The following PRKAR1A variants were observed in gnomAD, a reference collection of about 807,000 sequenced individuals.
The protein encoded by PRKAR1A is protein kinase cAMP-dependent type I regulatory subunit alpha.
Under a neutral mutation model 52.0 loss-of-function variants are expected in PRKAR1A, and 3 were observed. That is an observed-to-expected ratio of 0.06 (90% CI 0.03 to 0.15). PRKAR1A has a LOEUF of 0.15. Among genes scored for constraint, PRKAR1A ranks in the 10% least tolerant of loss-of-function variants. The pLI, the probability that PRKAR1A is intolerant of heterozygous loss-of-function variation, is 1.00. For missense variants in PRKAR1A, 240 were observed against 477.4 expected (o/e 0.50, Z 4.63); for synonymous variants, 188 against 168.4 (o/e 1.12, Z -0.90).
At chr17:68,424,817 C>T in the PRKAR1A span, among the ~76,000 whole-genome samples, 1 of 152,002 alleles carries the variant, frequency 6.6e-6, no homozygotes, top group South Asian at 2.1e-4. Flanking sequence ...GCAGAGGCTG[C>T]AGCGAGCCGA....
intron 11 of PRKAR1A, among the ~76,000 whole-genome samples, chr17:68,548,339 G>T (rs923086406): frequency 9.2e-5 from 14 of 152,154 alleles, no homozygotes; most frequent in Admixed American, 6.5e-5. Flanking sequence ...AGACCAGCCT[G>T]GCCAACACGG....
chr17:68,513,450 C>T (rs1462892293), intron 1 of PRKAR1A, among the ~76,000 whole-genome samples: 2 of 152,158 alleles, frequency 1.3e-5, no homozygotes, highest in African/African-American at 4.8e-5. Context: ...GGAACAGTTT[C>T]TCAAAGTGTT....
At chr17:68,442,877 C>T in the PRKAR1A span, among the ~76,000 whole-genome samples, 1 of 152,304 alleles carries the variant, frequency 6.6e-6, no homozygotes, top group South Asian at 2.1e-4. Context: ...AGATTTTGGG[C>T]TCCTGGTATG....
chr17:68,470,672 CT>C, the PRKAR1A span, among the ~76,000 whole-genome samples: 1 of 152,148 alleles, frequency 6.6e-6, no homozygotes, highest in African/African-American at 2.4e-5. Flanking sequence ...TAATTCGTTG[CT>C]TTTATACAGA....
At chr17:68,541,527 T>C (rs1356109904) in intron 11 of PRKAR1A, 1 of 189,502 alleles carries the variant, frequency 5.3e-6, no homozygotes, top group Non-Finnish European at 1.1e-5. Context: ...TCAGCTAGTG[T>C]GGAGTACCTG....
chr17:68,419,618 T>C, the PRKAR1A span, among the ~76,000 whole-genome samples: 1 of 152,086 alleles, frequency 6.6e-6, no homozygotes, highest in Admixed American at 6.6e-5. Context: ...ATAAAGATAC[T>C]TGAATGAATG....
At chr17:68,478,780 CA>C in the PRKAR1A span, among the ~76,000 whole-genome samples, 2 of 150,632 alleles carry the variant, frequency 1.3e-5, no homozygotes, top group Admixed American at 6.6e-5. Flanking sequence ...CAGGCTAGAG[CA>C]CAGTGGCACG....
intron 11 of PRKAR1A, chr17:68,543,600 A>G (rs1278470546): frequency 6.2e-7 from 1 of 1,601,848 alleles, no homozygotes; most frequent in Non-Finnish European, 8.6e-7. Context: ...CCTTATAGGC[A>G]ATGCCATCTC....
chr17:68,550,860 G>A (rs956458750), intron 11 of PRKAR1A, among the ~76,000 whole-genome samples: 12 of 152,204 alleles, frequency 7.9e-5, no homozygotes, highest in African/African-American at 2.7e-4. Context: ...CTTTAAGGAG[G>A]TGCTTTCGCC....
intron 11 of PRKAR1A, among the ~76,000 whole-genome samples, chr17:68,544,072 G>T (rs1364300030): frequency 6.6e-6 from 1 of 152,120 alleles, no homozygotes. Flanking sequence ...AGAGGGGAAT[G>T]GTTAGCAGAA....
chr17:68,472,934 T>C, the PRKAR1A span, among the ~76,000 whole-genome samples: 4 of 151,926 alleles, frequency 2.6e-5, no homozygotes, highest in Admixed American at 6.6e-5. Context: ...GACAGAGTGA[T>C]ACTCTGTCTC....
chr17:68,418,914 C>T, the PRKAR1A span, among the ~76,000 whole-genome samples: 1 of 150,726 alleles, frequency 6.6e-6, no homozygotes, highest in Non-Finnish European at 1.5e-5. Flanking sequence ...TTTAGGAACT[C>T]TTGTAATTTT....
rs182502429 is a variant in PRKAR1A at position 68,543,815 on chromosome 17, G to A, written c.974-7269G>A. 61 of 1,092,084 alleles carry A rather than the reference G, an allele frequency of 5.6e-5. No individual in the cohort carries two copies. The East Asian group carries it at 1.0e-3, about 19-fold the overall frequency. 67.6% of individuals were successfully genotyped at this position (1,092,084 alleles called of 1,614,324 possible). On this transcript the variant is annotated intron_variant, in intron 11 of 11. Coordinates refer to the PRKAR1A transcript ENST00000585981. ...AGCATGACCAGCGAGAAAGGAAAAC[G>A]GGCTTTTATGCTTTTCATGTACACA... is the stretch of plus-strand genomic sequence containing the variant.
the PRKAR1A span, among the ~76,000 whole-genome samples, chr17:68,488,541 A>G: frequency 6.6e-6 from 1 of 152,068 alleles, no homozygotes; most frequent in Non-Finnish European, 1.5e-5. Flanking sequence ...CAGCCTGACC[A>G]ACATGGCAAA....
chr17:68,426,299 C>T, the PRKAR1A span: 1 of 751,444 alleles, frequency 1.3e-6, no homozygotes, highest in East Asian at 2.7e-5. Context: ...CTGTCTTCCC[C>T]CTGGAGGTAC....
chr17:68,532,692 T>G lies in PRKAR1A; in HGVS notation c.*2243T>G. 1 of 1,066,364 alleles carries G rather than the reference T, an allele frequency of 9.4e-7. No individual in the cohort carries two copies. Among genetic ancestry groups the G allele is most frequent in the South Asian group, 4.5e-5 (1 of 21,986 alleles). 66.1% of individuals were successfully genotyped at this position (1,066,364 alleles called of 1,614,324 possible). On this transcript the variant is annotated 3_prime_UTR_variant, in exon 11 of 11. Coordinates refer to ENST00000589228, the MANE Select transcript of PRKAR1A (RefSeq NM_002734.5). ...ACCAGTCTGATTATACCATGTGTGC[T>G]AATATACTTTTTTTGTTATAGATTG...
intron 10 of PRKAR1A, 64 bp downstream of exon 10, chr17:68,530,065 G>T (rs534838406): frequency 6.4e-7 from 1 of 1,560,142 alleles, no homozygotes. Flanking sequence ...GTGAGATATT[G>T]TAGTCTTCCA....
the PRKAR1A span, among the ~76,000 whole-genome samples, chr17:68,454,660 A>G: frequency 6.6e-6 from 1 of 152,204 alleles, no homozygotes; most frequent in South Asian, 2.1e-4. Flanking sequence ...AAAACTTCAA[A>G]ATGTATTTTG....
chr17:68,521,230 A>G (rs2143246289), intron 2 of PRKAR1A, among the ~76,000 whole-genome samples: 1 of 152,090 alleles, frequency 6.6e-6, no homozygotes, highest in South Asian at 2.1e-4. Flanking sequence ...GTGAGCCACC[A>G]TGCCTGGCCT....
Sources: allele counts gnomAD v4.1 joint callset (sites outside exome capture counted in the v4.1 genomes callset), GRCh38; gene constraint gnomAD v4.1.1; transcripts MANE v1.5; gene names NCBI Gene and HGNC (gene_info 2026-07-23, HGNC 2026-07-21).